Variants in UVRAG observed in about 807,000 individuals in gnomAD.
UVRAG encodes UV radiation resistance associated.
Under a neutral mutation model 78.0 loss-of-function variants are expected in UVRAG, and 19 were observed. The ratio of observed to expected loss-of-function variants is 0.24; its 90% confidence interval spans 0.17 to 0.36. UVRAG has a LOEUF of 0.36. Ranked by LOEUF, UVRAG falls within the 10% of genes least tolerant of loss-of-function variation. UVRAG has a pLI of 1.00. For synonymous variants in UVRAG, 323 were observed against 324.6 expected, an observed-to-expected ratio of 1.00 and a Z score of 0.05; for missense variants, 740 against 853.8, an observed-to-expected ratio of 0.87 and a Z score of 1.66.
At chr11:75,959,613 A>G (rs1392140547) in intron 6 of UVRAG, among the ~76,000 whole-genome samples, 3 of 152,226 alleles carry the variant, frequency 2.0e-5, no homozygotes, top group Admixed American at 6.5e-5. Flanking sequence ...CGCATCAGCA[A>G]TAAGGCTGTT....
chr11:76,116,654 G>C (rs939112019), intron 14 of UVRAG, among the ~76,000 whole-genome samples: 6 of 152,216 alleles, frequency 3.9e-5, no homozygotes, highest in African/African-American at 1.4e-4. Context: ...GTTGTTGGCT[G>C]TATCCATTTA....
At chr11:75,889,558 T>G (rs1483880410) in intron 5 of UVRAG, among the ~76,000 whole-genome samples, 2 of 152,228 alleles carry the variant, frequency 1.3e-5, no homozygotes, top group Non-Finnish European at 2.9e-5. Flanking sequence ...AGCCTGTGCT[T>G]TTTCTATTCT....
At chr11:75,964,307 T>G (rs1354968775) in intron 7 of UVRAG, among the ~76,000 whole-genome samples, 1 of 152,212 alleles carries the variant, frequency 6.6e-6, no homozygotes, top group African/African-American at 2.4e-5. Context: ...AGGAAAAATA[T>G]GTGTAGAATG....
chr11:75,923,182 T>A (rs980682315), intron 6 of UVRAG, among the ~76,000 whole-genome samples: 28 of 151,858 alleles, frequency 1.8e-4, no homozygotes, highest in African/African-American at 6.8e-4. Flanking sequence ...TTGTTAGGAT[T>A]GGTTGCTGAA....
intron 14 of UVRAG, among the ~76,000 whole-genome samples, chr11:76,121,889 C>T (rs1591260964): frequency 6.6e-6 from 1 of 152,314 alleles, no homozygotes; most frequent in African/African-American, 2.4e-5. Flanking sequence ...TGTATTCCCT[C>T]AGTAGCTTAG....
chr11:75,919,109 A>G (rs999040786), intron 6 of UVRAG, among the ~76,000 whole-genome samples: 47 of 152,234 alleles, frequency 3.1e-4, no homozygotes, highest in African/African-American at 1.1e-3. Flanking sequence ...CACAACCAAT[A>G]AATTATCAAT....
intron 6 of UVRAG, among the ~76,000 whole-genome samples, chr11:75,951,246 A>ACTGC (rs1948691198): frequency 6.6e-6 from 1 of 151,676 alleles, no homozygotes; most frequent in Non-Finnish European, 1.5e-5. Flanking sequence ...AAGTTATTTC[A>ACTGC]CTGCCATTTG....
At chr11:75,870,736 C>CT (rs1347831804) in intron 3 of UVRAG, among the ~76,000 whole-genome samples, 5 of 151,686 alleles carry the variant, frequency 3.3e-5, no homozygotes, top group African/African-American at 1.2e-4. Context: ...CTTGTTGGAT[C>CT]TTTAAAAAAA....
At chr11:75,978,810 G>T (rs985682788) in intron 7 of UVRAG, among the ~76,000 whole-genome samples, 1 of 152,120 alleles carries the variant, frequency 6.6e-6, no homozygotes, top group Non-Finnish European at 1.5e-5. Context: ...AGATGGGTTC[G>T]AACATCCTCC....
intron 1 of UVRAG, among the ~76,000 whole-genome samples, chr11:75,830,120 G>A (rs991083933): frequency 6.6e-6 from 1 of 152,172 alleles, no homozygotes; most frequent in African/African-American, 2.4e-5. Flanking sequence ...GATTACAGAT[G>A]TGAGCCACTG....
intron 11 of UVRAG, among the ~76,000 whole-genome samples, chr11:76,011,575 G>A (rs1027773588): frequency 1.3e-5 from 2 of 152,232 alleles, no homozygotes; most frequent in Non-Finnish European, 2.9e-5. Context: ...AGTGGGCTGA[G>A]ATTGCACCAC....
chr11:76,110,455 C>T (rs1211540719), intron 13 of UVRAG, among the ~76,000 whole-genome samples: 1 of 152,106 alleles, frequency 6.6e-6, no homozygotes, highest in Non-Finnish European at 1.5e-5. Context: ...AGCTCTTCTG[C>T]ATTTAAGCCT....
intron 7 of UVRAG, among the ~76,000 whole-genome samples, chr11:75,976,347 G>T (rs2135254582): frequency 6.6e-6 from 1 of 152,270 alleles, no homozygotes; most frequent in South Asian, 2.1e-4. Flanking sequence ...TTGTGTCTCT[G>T]CCAGGCTTTG....
chr11:75,899,131 C>G (rs1428701101), intron 5 of UVRAG, among the ~76,000 whole-genome samples: 4 of 151,956 alleles, frequency 2.6e-5, no homozygotes, highest in Admixed American at 6.6e-5. Context: ...CAAAATAGAA[C>G]AAAGAAAGAC....
chr11:75,945,507 A>G (rs1443898144), intron 6 of UVRAG, among the ~76,000 whole-genome samples: 3 of 152,136 alleles, frequency 2.0e-5, no homozygotes, highest in African/African-American at 4.8e-5. Context: ...CTGGGCTCCT[A>G]CTTGAGTTCT....
chr11:75,824,162 A>G (rs990740111), intron 1 of UVRAG, among the ~76,000 whole-genome samples: 3 of 152,214 alleles, frequency 2.0e-5, no homozygotes, highest in African/African-American at 4.8e-5. Flanking sequence ...TCCTTCTGCA[A>G]ATATTTACTA....
chr11:76,039,877 A>G (rs901063492), intron 12 of UVRAG, among the ~76,000 whole-genome samples: 1 of 152,216 alleles, frequency 6.6e-6, no homozygotes, highest in Non-Finnish European at 1.5e-5. Flanking sequence ...CTCTGCCTCA[A>G]AATTTTAAAA....
chr11:75,983,356 C>T (rs2135277162), intron 7 of UVRAG, 31 bp from the exon 8 acceptor site: 1 of 1,514,834 alleles, frequency 6.6e-7, no homozygotes, highest in Non-Finnish European at 9.0e-7. Context: ...CATTTATATT[C>T]ATAAATATAC....
intron 6 of UVRAG, among the ~76,000 whole-genome samples, chr11:75,929,518 C>CCT (rs1430817257): frequency 6.6e-6 from 1 of 152,180 alleles, no homozygotes; most frequent in African/African-American, 2.4e-5. Flanking sequence ...CCCAAGGGAA[C>CCT]CTCCTACATT....
Sources: allele counts gnomAD v4.1 joint callset (sites outside exome capture counted in the v4.1 genomes callset), GRCh38; gene constraint gnomAD v4.1.1; transcripts MANE v1.5; gene names NCBI Gene and HGNC (gene_info 2026-07-23, HGNC 2026-07-21).